NHLRC2: variants seen among roughly 807,000 people sequenced by gnomAD.
NHLRC2 encodes NHL repeat-containing protein 2.
NHLRC2 carries 33 observed loss-of-function variants against 68.1 expected under a neutral mutation model. The observed-to-expected ratio is 0.48, with a 90% CI of 0.37 to 0.65. NHLRC2 has a LOEUF of 0.65. Ranked by LOEUF, NHLRC2 falls within the 30% of genes least tolerant of loss-of-function variation. The pLI, the probability that NHLRC2 is intolerant of heterozygous loss-of-function variation, is 0.00. For missense variants in NHLRC2, 761 were observed against 853.8 expected, an observed-to-expected ratio of 0.89 and a Z score of 1.35; for synonymous variants, 311 against 309.6, an observed-to-expected ratio of 1.00 and a Z score of -0.05.
intron 2 of NHLRC2, among the ~76,000 whole-genome samples, chr10:113,865,035 C>T (rs901835247): frequency 1.3e-5 from 2 of 151,556 alleles, no homozygotes; most frequent in Non-Finnish European, 2.9e-5. Context: ...CTGCAAGCTC[C>T]GCCTCCCGGG....
intron 1 of NHLRC2, 36 bp from the exon 2 acceptor site, chr10:113,858,492 C>T (rs1489377051): frequency 6.8e-7 from 1 of 1,462,988 alleles, no homozygotes; most frequent in East Asian, 2.3e-5. Flanking sequence ...TTATCTTTCT[C>T]TTTAATCATT....
At chr10:113,855,155 G>T in intron 1 of NHLRC2, 105 bp downstream of exon 1, 1 of 1,008,342 alleles carries the variant, frequency 9.9e-7, no homozygotes, top group Non-Finnish European at 1.5e-6. Context: ...TGCCGCTGGC[G>T]CCCCGGGGAG....
chr10:113,891,777 G>A (rs1846134956), intron 5 of NHLRC2, among the ~76,000 whole-genome samples: 2 of 152,142 alleles, frequency 1.3e-5, no homozygotes, highest in Admixed American at 1.3e-4. Context: ...TGTTGTGTAT[G>A]GGGATGTTCT....
intron 3 of NHLRC2, 118 bp downstream of exon 3, chr10:113,877,094 TGAC>T: frequency 3.4e-6 from 2 of 584,108 alleles, no homozygotes; most frequent in Non-Finnish European, 5.6e-6. Context: ...TGATATACAT[TGAC>T]TTAATTTCCT....
At chr10:113,888,096 T>TA (rs1351166821) in intron 5 of NHLRC2, among the ~76,000 whole-genome samples, 1 of 152,038 alleles carries the variant, frequency 6.6e-6, no homozygotes, top group Non-Finnish European at 1.5e-5. Flanking sequence ...AAAGTAAATT[T>TA]AAAAAAATTG....
chr10:113,879,445 C>T, intron 3 of NHLRC2, 129 bp from the exon 4 acceptor site: 1 of 753,584 alleles, frequency 1.3e-6, no homozygotes. Context: ...CCTTGGGGAA[C>T]ATTTTAGTTT....
At position 113,915,607 on chromosome 10, in the gene NHLRC2, C is replaced by G; in HGVS notation, c.*7071C>G. 1 of 224,958 alleles carries G rather than the reference C, an allele frequency of 4.4e-6. No homozygotes were observed. The highest frequency in any genetic ancestry group is 8.8e-6 in the Non-Finnish European group (1 of 113,420). 13.9% of individuals were successfully genotyped at this position (224,958 alleles called of 1,614,324 possible). A position where few individuals can be genotyped will look rare whatever the true frequency, so the allele number is the denominator to read the frequency against. ...AAATCAGCTCTCAGACTTAACTCTC[C>G]CCAATTAAAATAGTTTTTTTTTCCC... On this transcript the variant is annotated 3_prime_UTR_variant, in exon 11 of 11. Transcript: ENST00000369301.
At chr10:113,868,022 T>TA (rs1325170347) in intron 2 of NHLRC2, among the ~76,000 whole-genome samples, 1 of 152,228 alleles carries the variant, frequency 6.6e-6, no homozygotes, top group Non-Finnish European at 1.5e-5. Context: ...AAGGTCTCAC[T>TA]CTGTTGCCTG....
At chr10:113,882,437 A>G (rs1846043505) in intron 4 of NHLRC2, among the ~76,000 whole-genome samples, 1 of 151,662 alleles carries the variant, frequency 6.6e-6, no homozygotes, top group East Asian at 1.9e-4. Context: ...TTTGATATGC[A>G]TTTCCCTTAT....
At chr10:113,900,126 G>A (rs1436774549) in intron 6 of NHLRC2, among the ~76,000 whole-genome samples, 1 of 152,134 alleles carries the variant, frequency 6.6e-6, no homozygotes, top group African/African-American at 2.4e-5. Flanking sequence ...TGCCTTGTGA[G>A]TACTTTTAGG....
At chr10:113,874,501 C>T (rs1418071078) in intron 2 of NHLRC2, among the ~76,000 whole-genome samples, 1 of 136,618 alleles carries the variant, frequency 7.3e-6, no homozygotes, top group Non-Finnish European at 1.6e-5. Context: ...TGTGTTTAGC[C>T]TTTGATTTTC....
At chr10:113,889,191 A>G (rs1037687343) in intron 5 of NHLRC2, among the ~76,000 whole-genome samples, 1 of 152,172 alleles carries the variant, frequency 6.6e-6, no homozygotes, top group Admixed American at 6.5e-5. Context: ...TATAGAAAGG[A>G]TAACGTGCCA....
chr10:113,878,422 T>C (rs913159311), intron 3 of NHLRC2, among the ~76,000 whole-genome samples: 2 of 152,232 alleles, frequency 1.3e-5, no homozygotes, highest in African/African-American at 4.8e-5. Flanking sequence ...GTTAGGTAAT[T>C]AGTTCCATTT....
In NHLRC2 at chr10:113,910,329, T is replaced by C. The variant is rs1846315293; in HGVS notation, c.*1793T>C. On this transcript the variant is annotated 3_prime_UTR_variant, in exon 11 of 11. Transcript: ENST00000369301. Reference sequence around the variant, plus strand: ...GATTTTCCTGCCTCAGCCTCCCAAGTAGCTGGGATTACAGGCGTACACCAC... The same window carrying C: ...GATTTTCCTGCCTCAGCCTCCCAAGCAGCTGGGATTACAGGCGTACACCAC... The C allele has an allele frequency of 6.6e-6, 1 of 152,260 alleles. No individual in the cohort carries two copies. Among genetic ancestry groups the C allele is most frequent in the African/African-American group, 2.4e-5 (1 of 41,444 alleles). The allele number at this position is 152,260 out of a possible 1,614,324, so 9.4% of individuals were successfully genotyped here.
rs1846320382 is a variant in NHLRC2 at position 113,910,721 on chromosome 10, A to G, written c.*2185A>G. On this transcript the variant is annotated 3_prime_UTR_variant, in exon 11 of 11. Coordinates refer to ENST00000369301, the MANE Select transcript of NHLRC2 (RefSeq NM_198514.4). Reference sequence around the variant, plus strand: ...CAGTGTTTGTTATACATGTTCATGTACAGTGAAAATGCAAAGGCATTTTTT... The same window carrying G: ...CAGTGTTTGTTATACATGTTCATGTGCAGTGAAAATGCAAAGGCATTTTTT... The G allele has an allele frequency of 1.3e-5, 2 of 152,368 alleles. No individual in the cohort carries two copies. The highest frequency in any genetic ancestry group is 4.1e-4 in the South Asian group (2 of 4,834). The allele number at this position is 152,368 out of a possible 1,614,324, so 9.4% of individuals were successfully genotyped here. A position where few individuals can be genotyped will look rare whatever the true frequency, so the allele number is the denominator to read the frequency against.
At chr10:113,855,116 C>G (rs1383193171) in intron 1 of NHLRC2, 66 bp downstream of exon 1, 2 of 1,402,534 alleles carry the variant, frequency 1.4e-6, no homozygotes, top group East Asian at 2.5e-5. Flanking sequence ...ACGGCGCCCT[C>G]CCGCGAAGCG....
intron 2 of NHLRC2, among the ~76,000 whole-genome samples, chr10:113,869,951 A>G (rs1845907033): frequency 6.6e-6 from 1 of 151,968 alleles, no homozygotes; most frequent in East Asian, 1.9e-4. Flanking sequence ...AAATATTTCC[A>G]TATGTATCTT....
At chr10:113,868,052 G>A (rs761066434) in intron 2 of NHLRC2, among the ~76,000 whole-genome samples, 2 of 152,060 alleles carry the variant, frequency 1.3e-5, no homozygotes, top group African/African-American at 2.4e-5. Flanking sequence ...TCACTGGTGC[G>A]ATCACAGCTC....
In NHLRC2 at chr10:113,915,391, T is replaced by G. The variant is rs1846373515; in HGVS notation, c.*6855T>G. On this transcript the variant is annotated 3_prime_UTR_variant, in exon 11 of 11. Coordinates refer to ENST00000369301, the MANE Select transcript of NHLRC2 (RefSeq NM_198514.4). ...AATTCCTTCCTCTTTAAGCAGCAAC[T>G]TACCACAGGCTTGGTGGCTTTAAGT... is the stretch of plus-strand genomic sequence containing the variant. The G allele has an allele frequency of 2.7e-6, 1 of 371,280 alleles. No individual in the cohort carries two copies. The highest frequency in any genetic ancestry group is 3.5e-5 in the Admixed American group (1 of 28,936). The allele number at this position is 371,280 out of a possible 1,614,324, so 23.0% of individuals were successfully genotyped here. A position where few individuals can be genotyped will look rare whatever the true frequency, so the allele number is the denominator to read the frequency against.
Sources: gnomAD v4.1 joint callset for allele counts (sites outside exome capture counted in the v4.1 genomes callset) on GRCh38, gnomAD v4.1.1 for gene constraint, MANE v1.5 for transcripts, NCBI Gene and HGNC (gene_info 2026-07-23, HGNC 2026-07-21) for gene names.